WDR88: variants seen among roughly 807,000 people sequenced by gnomAD.
The protein encoded by WDR88 is WD repeat-containing protein 88.
In WDR88, 40 loss-of-function variants were observed where a neutral mutation model predicts 46.8. That is an observed-to-expected ratio of 0.86 (90% CI 0.66 to 1.11). The LOEUF is 1.11. WDR88 is among the 50% of genes most tolerant of loss of function. WDR88 has a pLI of 0.00. For synonymous variants in WDR88, 235 were observed against 240.7 expected, an observed-to-expected ratio of 0.98 and a Z score of 0.22; for missense variants, 562 against 602.4, an observed-to-expected ratio of 0.93 and a Z score of 0.70.
intron 8 of WDR88, among the ~76,000 whole-genome samples, chr19:33,163,847 T>C (rs1166081531): frequency 6.6e-6 from 1 of 152,162 alleles, no homozygotes; most frequent in African/African-American, 2.4e-5. Flanking sequence ...TTGCCCGGGC[T>C]GGTCTCAAAC....
intron 3 of WDR88, among the ~76,000 whole-genome samples, chr19:33,146,864 G>A (rs1973529172): frequency 6.6e-6 from 1 of 152,096 alleles, no homozygotes; most frequent in African/African-American, 2.4e-5. Context: ...TAGGGTGGGT[G>A]ATGGAGCAGT....
At chr19:33,170,294 T>C (rs1046789890) in intron 9 of WDR88, among the ~76,000 whole-genome samples, 1 of 150,218 alleles carries the variant, frequency 6.7e-6, no homozygotes, top group Non-Finnish European at 1.5e-5. Context: ...CCTCCCGCCT[T>C]AGCCTCCCGA....
chr19:33,168,152 CGA>C (rs1973984913), intron 9 of WDR88, among the ~76,000 whole-genome samples: 1 of 152,012 alleles, frequency 6.6e-6, no homozygotes, highest in South Asian at 2.1e-4. Context: ...TTCAGCCTCC[CGA>C]GTAGCTGGGA....
intron 1 of WDR88, 136 bp downstream of exon 1, chr19:33,132,581 C>CCATCTGTGGTA: frequency 7.5e-7 from 1 of 1,338,600 alleles, no homozygotes; most frequent in Non-Finnish European, 1.0e-6. Context: ...GCCCATTTCC[C>CCATCTGTGGTA]CATCTGTGGT....
At chr19:33,155,784 T>C (rs151106757) in intron 6 of WDR88, among the ~76,000 whole-genome samples, 5 of 152,220 alleles carry the variant, frequency 3.3e-5, no homozygotes, top group African/African-American at 1.2e-4. Context: ...CAGTGGACAT[T>C]TGACAATGTC....
intron 7 of WDR88, among the ~76,000 whole-genome samples, chr19:33,157,679 GTA>G (rs1340949035): frequency 0.02 from 1,840 of 94,136 alleles, 70 homozygotes; most frequent in East Asian, 0.075. Context: ...GTGTGTGTGT[GTA>G]TGTATGTATA....
intron 6 of WDR88, among the ~76,000 whole-genome samples, chr19:33,151,987 T>C (rs1973643596): frequency 6.6e-6 from 1 of 152,112 alleles, no homozygotes; most frequent in Non-Finnish European, 1.5e-5. Context: ...ATCCCAGCAC[T>C]TTGGGAGGCC....
chr19:33,133,157 G>GAATAAATAAATAAATA (rs375517673), intron 1 of WDR88, among the ~76,000 whole-genome samples: 26 of 105,714 alleles, frequency 2.5e-4, no homozygotes, highest in African/African-American at 9.6e-4. Flanking sequence ...ACTGTCTCCA[G>GAATAAATAAATAAATA]AATAAATAAA....
rs1326945782 is a variant in WDR88, at chr19:33,174,429, G to A, written c.1243-967G>A. On this transcript the variant is annotated intron_variant, in intron 10 of 10. Coordinates refer to ENST00000355868, the MANE Select transcript of WDR88 (RefSeq NM_173479.4). ...TCTTCTCCAGGGGACCATGCATGGT[G>A]GGAACCCCTGAGGGGCCTCTGCCCA... is the stretch of plus-strand genomic sequence containing the variant. The A allele has an allele frequency of 4.7e-5, 65 of 1,374,496 alleles. No homozygotes were observed. The East Asian group carries it at 1.5e-3, about 31-fold the overall frequency. The allele number at this position is 1,374,496 out of a possible 1,614,324, so 85.1% of individuals were successfully genotyped here. A position where few individuals can be genotyped will look rare whatever the true frequency, so the allele number is the denominator to read the frequency against.
intron 10 of WDR88, chr19:33,174,578 G>A (rs955707348): frequency 2.5e-5 from 25 of 982,896 alleles, no homozygotes; most frequent in African/African-American, 1.7e-5. Context: ...GCTCAGGGAC[G>A]CAGGAGGGCA....
At chr19:33,174,561 G>A (rs1365895832) in intron 10 of WDR88, 3 of 984,224 alleles carry the variant, frequency 3.0e-6, no homozygotes, top group Admixed American at 6.1e-5. Flanking sequence ...GCTTTGGCCA[G>A]AAACAGGCTC....
intron 9 of WDR88, among the ~76,000 whole-genome samples, chr19:33,171,904 G>A (rs1421895902): frequency 6.6e-6 from 1 of 152,130 alleles, no homozygotes; most frequent in East Asian, 1.9e-4. Flanking sequence ...CTCCCAAGTA[G>A]CTGGGACTAC....
At chr19:33,151,442 G>T in intron 6 of WDR88, 132 bp downstream of exon 6, 1 of 1,182,404 alleles carries the variant, frequency 8.5e-7, no homozygotes. Flanking sequence ...TGAGGAGGCT[G>T]GGGACAGGCA....
chr19:33,153,353 C>T (rs1197218653), intron 6 of WDR88, among the ~76,000 whole-genome samples: 1 of 151,776 alleles, frequency 6.6e-6, no homozygotes, highest in Admixed American at 6.6e-5. Context: ...GTGTGAGCCA[C>T]TGCACCTGGC....
At chr19:33,174,937 A>C (rs1974098907) in intron 10 of WDR88, 1 of 985,358 alleles carries the variant, frequency 1.0e-6, no homozygotes, top group African/African-American at 1.7e-5. Context: ...TTGTGGGGTT[A>C]GAGATTCCAG....
At chr19:33,157,555 A>ATATATATGTATATATGTG (rs1568367364) in intron 7 of WDR88, among the ~76,000 whole-genome samples, 26 of 128,872 alleles carry the variant, frequency 2.0e-4, no homozygotes, top group African/African-American at 8.2e-4. Flanking sequence ...ATATATGTGT[A>ATATATATGTATATATGTG]TATATATATG....
At chr19:33,172,318 T>C (rs1313854925) in intron 9 of WDR88, 30 bp from the exon 10 acceptor site, 10 of 1,577,558 alleles carry the variant, frequency 6.3e-6, no homozygotes, top group Middle Eastern at 1.8e-4. Flanking sequence ...ACAGCCTGTT[T>C]TGTGACCGCT....
intron 5 of WDR88, 146 bp downstream of exon 5, chr19:33,149,056 C>A: frequency 1.5e-6 from 2 of 1,330,000 alleles, no homozygotes; most frequent in East Asian, 2.5e-5. Context: ...AGGCTAGGTG[C>A]GGTGGCTGGG....
intron 10 of WDR88, 121 bp from the exon 11 acceptor site, chr19:33,175,275 T>C: frequency 9.6e-7 from 1 of 1,042,966 alleles, no homozygotes; most frequent in Non-Finnish European, 1.4e-6. Flanking sequence ...CAAAAAGAGA[T>C]TCCAGAGAGG....
Sources: allele counts gnomAD v4.1 joint callset (sites outside exome capture counted in the v4.1 genomes callset), GRCh38; gene constraint gnomAD v4.1.1; transcripts MANE v1.5; gene names NCBI Gene and HGNC (gene_info 2026-07-23, HGNC 2026-07-21).